NCOA1: variants seen among roughly 807,000 people sequenced by gnomAD.
NCOA1 encodes the protein nuclear receptor coactivator 1.
Under a neutral mutation model 150.9 loss-of-function variants are expected in NCOA1, and 35 were observed. That is an observed-to-expected ratio of 0.23 (90% CI 0.18 to 0.31). The LOEUF is 0.31. Ranked by LOEUF, NCOA1 falls within the 10% of genes least tolerant of loss-of-function variation. NCOA1 has a pLI of 1.00. For synonymous variants in NCOA1, 590 were observed against 630.0 expected (o/e 0.94, Z 0.95); for missense variants, 1,491 against 1,749.3 (o/e 0.85, Z 2.63).
At chr2:24,666,862 T>C (rs192203371) in intron 6 of NCOA1, among the ~76,000 whole-genome samples, 2 of 152,112 alleles carry the variant, frequency 1.3e-5, no homozygotes, top group East Asian at 3.9e-4. Context: ...ATTTTTAAGC[T>C]TCATATTTTT....
chr2:24,707,188 T>G lies in NCOA1; in HGVS notation c.1718T>G (p.Leu573Ter). The G allele has an allele frequency of 6.2e-7, 1 of 1,614,144 alleles. No homozygotes were observed. Among genetic ancestry groups the G allele is most frequent in the Non-Finnish European group, 8.5e-7 (1 of 1,180,024 alleles). ...QMSSQNSPSR[L>*]NIQPAKAESK... ...AGCTCACAGAATTCACCTAGCAGAT[T>G]AAATATACAACCAGCAAAAGCTGAG... Residue 573 changes from leucine to a stop codon, truncating the protein, a stop_gained, in exon 13 of 23, where the codon TTA becomes TGA. Coordinates refer to ENST00000348332, the MANE Select transcript of NCOA1 (RefSeq NM_003743.5). LOFTEE classifies it high-confidence loss of function.
chr2:24,573,143 T>A (rs1666809403), intron 2 of NCOA1, among the ~76,000 whole-genome samples: 1 of 152,062 alleles, frequency 6.6e-6, no homozygotes, highest in South Asian at 2.1e-4. Flanking sequence ...TGAGGAGGCA[T>A]AGTTAATGTG....
At chr2:24,682,747 A>G (rs1206946335) in intron 7 of NCOA1, among the ~76,000 whole-genome samples, 2 of 151,992 alleles carry the variant, frequency 1.3e-5, no homozygotes, top group Admixed American at 1.3e-4. Flanking sequence ...CTTATGGACT[A>G]TTTTGTGTAT....
At chr2:24,548,900 A>G (rs936699361) in intron 1 of NCOA1, among the ~76,000 whole-genome samples, 1 of 152,070 alleles carries the variant, frequency 6.6e-6, no homozygotes, top group African/African-American at 2.4e-5. Context: ...GAGTGCCTGC[A>G]ACTTTTCCAG....
intron 14 of NCOA1, among the ~76,000 whole-genome samples, chr2:24,717,230 G>A (rs1674093997): frequency 6.6e-6 from 1 of 152,196 alleles, no homozygotes; most frequent in Admixed American, 6.5e-5. Context: ...CTTACCATAT[G>A]ATCCAGCAAT....
intron 22 of NCOA1, among the ~76,000 whole-genome samples, chr2:24,763,771 C>T (rs1310694883): frequency 6.6e-6 from 1 of 151,454 alleles, no homozygotes; most frequent in Non-Finnish European, 1.5e-5. Context: ...TAGGCGCCCG[C>T]CACCATGCCC....
chr2:24,603,969 A>C (rs1470742689), intron 3 of NCOA1, among the ~76,000 whole-genome samples: 1 of 152,238 alleles, frequency 6.6e-6, no homozygotes, highest in East Asian at 1.9e-4. Context: ...AAGATTTGAT[A>C]GTTAAAATTA....
chr2:24,501,517 ATAT>A (rs773262634), intron 1 of NCOA1, among the ~76,000 whole-genome samples: 13 of 152,192 alleles, frequency 8.5e-5, no homozygotes, highest in Non-Finnish European at 1.9e-4. Flanking sequence ...ACTTGCTATA[ATAT>A]TCTTTTTAAT....
intron 2 of NCOA1, among the ~76,000 whole-genome samples, chr2:24,573,116 T>G (rs974852543): frequency 1.3e-5 from 2 of 152,112 alleles, no homozygotes; most frequent in African/African-American, 4.8e-5. Flanking sequence ...GTTTATTGCT[T>G]TGAAGATGAT....
At chr2:24,548,232 G>A (rs949103190) in intron 1 of NCOA1, among the ~76,000 whole-genome samples, 1 of 152,156 alleles carries the variant, frequency 6.6e-6, no homozygotes, top group African/African-American at 2.4e-5. Flanking sequence ...AGCAAGTCAC[G>A]TCTTACATGG....
At chr2:24,680,417 C>G (rs968381500) in intron 7 of NCOA1, among the ~76,000 whole-genome samples, 4 of 152,186 alleles carry the variant, frequency 2.6e-5, no homozygotes, top group African/African-American at 9.7e-5. Context: ...GAAATCCTGT[C>G]ATCTGCCACA....
intron 1 of NCOA1, among the ~76,000 whole-genome samples, chr2:24,549,434 C>T (rs1280516428): frequency 6.6e-6 from 1 of 152,164 alleles, no homozygotes; most frequent in African/African-American, 2.4e-5. Flanking sequence ...ACATTTTCCC[C>T]ATGTCTTGGT....
At chr2:24,676,650 A>G (rs1671923716) in intron 7 of NCOA1, among the ~76,000 whole-genome samples, 1 of 152,232 alleles carries the variant, frequency 6.6e-6, no homozygotes, top group Non-Finnish European at 1.5e-5. Flanking sequence ...TGACAGACTA[A>G]GAATTCAGAA....
At chr2:24,644,583 A>T (rs1670376522) in intron 4 of NCOA1, among the ~76,000 whole-genome samples, 1 of 152,102 alleles carries the variant, frequency 6.6e-6, no homozygotes, top group Admixed American at 6.6e-5. Context: ...CCATATGGGC[A>T]TTTTTACATT....
intron 1 of NCOA1, among the ~76,000 whole-genome samples, chr2:24,542,843 G>A (rs1162484931): frequency 6.6e-6 from 1 of 152,144 alleles, no homozygotes; most frequent in African/African-American, 2.4e-5. Flanking sequence ...AATATAATTA[G>A]TAAACTTGAT....
chr2:24,503,865 G>T (rs1052224250), intron 1 of NCOA1, among the ~76,000 whole-genome samples: 5 of 151,800 alleles, frequency 3.3e-5, no homozygotes, highest in African/African-American at 1.2e-4. Context: ...CTCCCGAGTA[G>T]CTGGGATTTC....
intron 1 of NCOA1, among the ~76,000 whole-genome samples, chr2:24,521,560 C>G (rs1042943817): frequency 3.9e-5 from 6 of 152,144 alleles, no homozygotes; most frequent in African/African-American, 1.4e-4. Context: ...TCACAATTTA[C>G]AGGATTTTCT....
intron 3 of NCOA1, among the ~76,000 whole-genome samples, chr2:24,607,459 G>A (rs1210310916): frequency 6.6e-6 from 1 of 152,188 alleles, no homozygotes; most frequent in Non-Finnish European, 1.5e-5. Flanking sequence ...GGAGGCCAAG[G>A]CGGGCGGATC....
intron 3 of NCOA1, among the ~76,000 whole-genome samples, chr2:24,606,467 C>A (rs1051399961): frequency 6.6e-6 from 1 of 152,156 alleles, no homozygotes; most frequent in African/African-American, 2.4e-5. Flanking sequence ...GAACTCCTGA[C>A]CTCAGGTCAT....
Sources: allele counts gnomAD v4.1 joint callset (sites outside exome capture counted in the v4.1 genomes callset), GRCh38; gene constraint gnomAD v4.1.1; transcripts MANE v1.5; gene names NCBI Gene and HGNC (gene_info 2026-07-23, HGNC 2026-07-21).